PIMREG: variants seen among roughly 807,000 people sequenced by gnomAD.
The protein encoded by PIMREG is protein PIMREG.
PIMREG carries 19 observed loss-of-function variants against 24.3 expected under a neutral mutation model. The ratio of observed to expected loss-of-function variants is 0.78; its 90% CI spans 0.54 to 1.15. The LOEUF is 1.15. PIMREG is among the 50% of genes most tolerant of loss of function. The pLI, the probability that PIMREG is intolerant of heterozygous loss-of-function variation, is 0.00. For synonymous variants in PIMREG, 112 were observed against 124.1 expected (o/e 0.90, Z 0.65); for missense variants, 283 against 306.8 (o/e 0.92, Z 0.58).
At position 6,444,804 on chromosome 17, in the gene PIMREG, G is replaced by A. The variant is rs1286419022; in HGVS notation, c.-35-272G>A. ...CTCGGCTACGGCGTGTCTTGACCCTGCCTCCCCTCCTCGCCTGAGCCAGAG... is the reference window on the plus strand; with the variant it reads ...CTCGGCTACGGCGTGTCTTGACCCTACCTCCCCTCCTCGCCTGAGCCAGAG... On this transcript the variant is annotated intron_variant, in intron 1 of 5. Transcript: ENST00000572447. The surrounding 1 kb of genome is among the most constrained non-coding windows in gnomAD (Gnocchi z 4.3). 1.3e-5 allele frequency among the ~76,000 whole-genome samples: 2 copies of A among 149,922 alleles called. No homozygotes were observed. The highest frequency in any genetic ancestry group is 6.6e-5 in the Admixed American group (1 of 15,076).
At chr17:6,449,568 C>A in intron 4 of PIMREG, 161 bp downstream of exon 4, 1 of 1,060,986 alleles carries the variant, frequency 9.4e-7, no homozygotes, top group Non-Finnish European at 1.3e-6. Flanking sequence ...TGAGAAAGGA[C>A]AAAATCCTGG....
In PIMREG at chr17:6,450,437, AC is replaced by A. The variant is rs755307904; in HGVS notation, c.*95del. 3.2e-6 allele frequency: 5 copies of A among 1,557,934 alleles called. No homozygotes were observed. Among genetic ancestry groups the A allele is most frequent in the Admixed American group, 3.7e-5 (2 of 54,144 alleles). The stretch of plus-strand genomic sequence containing the variant: ...CTTCCCCGTGAGCTTCCTGGAAAAA[AC>A]CCCCGGGAGTCGTCAGTACCCCTGG... On this transcript the variant is annotated 3_prime_UTR_variant, in exon 6 of 6. Transcript: ENST00000572447.
Position 6,450,848 on chromosome 17 carries a change from A to G in PIMREG, c.*501A>G. On this transcript the variant is annotated 3_prime_UTR_variant, in exon 6 of 6. Coordinates refer to ENST00000572447, the MANE Select transcript of PIMREG (RefSeq NM_019013.3). ...AGGGACTCGGAGGAAGGCATAGGAGATATTTCCAGGCTTACGACCCTGGGC... is the reference window on the plus strand; with the variant it reads ...AGGGACTCGGAGGAAGGCATAGGAGGTATTTCCAGGCTTACGACCCTGGGC... 1 of 182,110 alleles carries G rather than the reference A, an allele frequency of 5.5e-6. No homozygotes were observed. Among genetic ancestry groups the G allele is most frequent in the Non-Finnish European group, 1.1e-5 (1 of 87,122 alleles). The allele number at this position is 182,110 out of a possible 1,614,324, so 11.3% of individuals were successfully genotyped here.
rs1453352864 is a variant in PIMREG, at chr17:6,450,361, G to C, written c.*15-1G>C. 6.4e-7 allele frequency: 1 copy of C among 1,558,690 alleles called. No homozygotes were observed. Among genetic ancestry groups the C allele is most frequent in the African/African-American group, 1.4e-5 (1 of 74,038 alleles). ...GTGAAAAAGGCAGCTCTGTCTTGAA[G>C]GAAACAAGCCCTGTCTGACCGCCAA... On this transcript the variant is annotated splice_acceptor_variant, in intron 5 of 5. Coordinates refer to ENST00000572447, the MANE Select transcript of PIMREG (RefSeq NM_019013.3). LOFTEE classifies it low-confidence loss of function (3UTR_SPLICE).
chr17:6,449,095 GA>G (rs1389354902), intron 3 of PIMREG, among the ~76,000 whole-genome samples: 5 of 152,198 alleles, frequency 3.3e-5, no homozygotes, highest in Admixed American at 6.5e-5. Flanking sequence ...TCCAAGTGGG[GA>G]AGCTGCAAAA....
At chr17:6,449,906 C>T in intron 4 of PIMREG, 122 bp from the exon 5 acceptor site, 1 of 1,420,188 alleles carries the variant, frequency 7.0e-7, no homozygotes, top group Non-Finnish European at 9.9e-7. Flanking sequence ...CCTGCCAGCT[C>T]TATGTGTTGA....
In PIMREG at chr17:6,447,762, A is replaced by G; in HGVS notation, c.590+4A>G. The G allele has an allele frequency of 6.3e-7, 1 of 1,594,378 alleles. No homozygotes were observed. Among genetic ancestry groups the G allele is most frequent in the South Asian group, 1.1e-5 (1 of 89,238 alleles). On this transcript the variant is annotated splice_donor_region_variant and intron_variant, in intron 3 of 5. Transcript: ENST00000572447. ...CAGAGCCCCTCTGCTCTCCCAGGCAAGTGGGATAGTGCTTCACCCCGGGGC... is the reference window on the plus strand; with the variant it reads ...CAGAGCCCCTCTGCTCTCCCAGGCAGGTGGGATAGTGCTTCACCCCGGGGC...
chr17:6,447,407 C>G, intron 2 of PIMREG, 56 bp from the exon 3 acceptor site: 1 of 1,569,308 alleles, frequency 6.4e-7, no homozygotes, highest in Non-Finnish European at 8.7e-7. Flanking sequence ...TGAGCCACCG[C>G]GCCCGGCCTA....
chr17:6,445,408 A>G lies in PIMREG; in HGVS notation c.294+4A>G, dbSNP rs764711334. 36 of 1,603,306 alleles carry G rather than the reference A, an allele frequency of 2.2e-5. No homozygotes were observed. The highest frequency in any genetic ancestry group is 2.9e-5 in the Non-Finnish European group (34 of 1,173,732). On this transcript the variant is annotated splice_donor_region_variant and intron_variant, in intron 2 of 5. Transcript: ENST00000572447. ...TGCTTTGGGTGCCGTGTCCCAGGTA[A>G]TACTGACAACACTAATCATCTTTTT...
intron 5 of PIMREG, 112 bp from the exon 6 acceptor site, chr17:6,450,249 GC>G (rs1913772050): frequency 8.4e-7 from 1 of 1,187,932 alleles, no homozygotes; most frequent in Non-Finnish European, 1.2e-6. Flanking sequence ...CACGCTGGGG[GC>G]CCCAAGTAGC....
Position 6,447,566 on chromosome 17 carries a change from C to T in PIMREG, c.398C>T (p.Thr133Ile). The stretch of plus-strand genomic sequence containing the variant: ...GCACAGAAGGGCAGTGGATCCCCAA[C>T]TCACAGCCTGAGCCAGAAGAGCACC... ...RGAQKGSGSP[T>I]HSLSQKSTRL... Residue 133 changes from threonine (T) to isoleucine (I), a missense_variant, in exon 3 of 6, where the codon ACT becomes ATT. Coordinates refer to ENST00000572447, the MANE Select transcript of PIMREG (RefSeq NM_019013.3). The T allele has an allele frequency of 1.2e-6, 2 of 1,614,178 alleles. No individual in the cohort carries two copies. Among genetic ancestry groups the T allele is most frequent in the East Asian group, 2.2e-5 (1 of 44,876 alleles).
intron 3 of PIMREG, among the ~76,000 whole-genome samples, chr17:6,447,961 T>TA (rs1913650449): frequency 6.6e-6 from 1 of 152,114 alleles, no homozygotes; most frequent in Non-Finnish European, 1.5e-5. Context: ...CTTTAGCAGA[T>TA]ATCCAGTGCA....
At chr17:6,445,469 C>T in intron 2 of PIMREG, 65 bp downstream of exon 2, 1 of 1,482,718 alleles carries the variant, frequency 6.7e-7, no homozygotes, top group Non-Finnish European at 9.1e-7. Flanking sequence ...CAGTTCCTGC[C>T]CTCAAAGAGC....
intron 2 of PIMREG, among the ~76,000 whole-genome samples, chr17:6,447,069 G>T (rs1913599386): frequency 6.6e-6 from 1 of 151,456 alleles, no homozygotes; most frequent in Non-Finnish European, 1.5e-5. Context: ...TTGCTTGTAT[G>T]GTCTGGAGAC....
Position 6,450,384 on chromosome 17 carries a change from C to T in PIMREG, c.*37C>T. The stretch of plus-strand genomic sequence containing the variant: ...AAGGAAACAAGCCCTGTCTGACCGC[C>T]AAGGCTTCATACTCAAGGATGTCTA... On this transcript the variant is annotated 3_prime_UTR_variant, in exon 6 of 6. Transcript: ENST00000572447. 1.3e-6 allele frequency: 2 copies of T among 1,567,964 alleles called. No homozygotes were observed. The highest frequency in any genetic ancestry group is 1.7e-6 in the Non-Finnish European group (2 of 1,164,432).
At chr17:6,446,750 T>C (rs1488652009) in intron 2 of PIMREG, among the ~76,000 whole-genome samples, 1 of 151,950 alleles carries the variant, frequency 6.6e-6, no homozygotes, top group Non-Finnish European at 1.5e-5. Context: ...GTGGATAGAG[T>C]GAGTGAGACC....
intron 4 of PIMREG, 122 bp from the exon 5 acceptor site, chr17:6,449,906 C>G (rs1380388663): frequency 7.0e-7 from 1 of 1,420,070 alleles, no homozygotes; most frequent in Non-Finnish European, 9.9e-7. Flanking sequence ...CCTGCCAGCT[C>G]TATGTGTTGA....
chr17:6,448,763 C>T (rs1044805052), intron 3 of PIMREG, among the ~76,000 whole-genome samples: 1 of 152,182 alleles, frequency 6.6e-6, no homozygotes, highest in Admixed American at 6.5e-5. Flanking sequence ...CATCTCGGAG[C>T]TCTCAGGGAA....
At chr17:6,447,276 TA>T in intron 2 of PIMREG, 186 bp from the exon 3 acceptor site, 2 of 626,088 alleles carry the variant, frequency 3.2e-6, no homozygotes, top group South Asian at 2.1e-5. Flanking sequence ...CGCGCCTGGC[TA>T]ATTTTTTTTT....
Sources: allele counts gnomAD v4.1 joint callset (sites outside exome capture counted in the v4.1 genomes callset), GRCh38; gene constraint gnomAD v4.1.1; non-coding constraint Gnocchi (gnomAD v3.1); transcripts MANE v1.5; gene names NCBI Gene and HGNC (gene_info 2026-07-23, HGNC 2026-07-21).